The following POLE variants were observed in gnomAD, a reference collection of about 807,000 sequenced individuals.
POLE encodes DNA polymerase epsilon, catalytic subunit, also known as DNA polymerase epsilon catalytic subunit A.
Under a neutral mutation model 279.2 loss-of-function variants are expected in POLE, and 188 were observed. The ratio of observed to expected loss-of-function variants is 0.67; its 90% CI spans 0.60 to 0.76. The LOEUF is 0.76. Ranked by LOEUF, POLE falls within the 30% of genes least tolerant of loss-of-function variation. The pLI, the probability that POLE is intolerant of heterozygous loss-of-function variation, is 0.00. For synonymous variants in POLE, 1,214 were observed against 1,172.5 expected, an observed-to-expected ratio of 1.04 and a Z score of -0.72; for missense variants, 2,703 against 3,016.7, an observed-to-expected ratio of 0.90 and a Z score of 2.44.
rs151273553 is a variant in POLE, at chr12:132,673,597, C to T, written c.1337G>A (p.Arg446Gln). The T allele has an allele frequency of 3.8e-4, 621 of 1,613,180 alleles. No homozygotes were observed. Among genetic ancestry groups the T allele is most frequent in the Non-Finnish European group, 4.9e-4 (581 of 1,179,986 alleles). Residue 446 changes from arginine (R) to glutamine (Q), a missense_variant, in exon 13 of 49, where the codon CGG becomes CAG. Physicochemically the swap from Arg to Gln is conservative, Grantham distance 43. This residue lies in a region of POLE where 1,011 missense variants were observed against 1,111.7 expected (regional missense o/e 0.91). Coordinates refer to ENST00000320574, the MANE Select transcript of POLE (RefSeq NM_006231.4). ...TGCCTGGGGCTGCTCCGTGGCCATC[C>T]GGCACATGTCCTCCGGGTCTAGCTC... ...PVELDPEDMCRMATEQPQTLA... is the reference protein window; with the variant it reads ...PVELDPEDMCQMATEQPQTLA...
chr12:132,669,952 G>A (rs1354201461), intron 16 of POLE, among the ~76,000 whole-genome samples: 1 of 152,138 alleles, frequency 6.6e-6, no homozygotes, highest in Admixed American at 6.6e-5. Flanking sequence ...ACTCACCAGG[G>A]AGCCTGGCGT....
Position 132,642,202 on chromosome 12 carries a change from G to T in POLE, c.5148C>A (p.Ile1716=). The stretch of plus-strand genomic sequence containing the variant: ...CTGTGGAGTAACAGCCTGAACTGTT[G>T]ATCTCAACAGTGGCTTGGTCATCGA... ...MEFDDQATVE[I]NSSGCYSTVC... Residue 1716 remains isoleucine, a synonymous_variant, in exon 38 of 49, where the codon ATC becomes ATA. Transcript: ENST00000320574. 6.3e-7 allele frequency: 1 copy of T among 1,595,320 alleles called. No individual in the cohort carries two copies. Among genetic ancestry groups the T allele is most frequent in the South Asian group, 1.1e-5 (1 of 87,816 alleles).
In POLE at chr12:132,664,461, C is replaced by T. The variant is rs1420142854; in HGVS notation, c.2470G>A (p.Ala824Thr). ...GCCATCTCCATGGAGTACCAGCGAG[C>T]CCTGAGAGGACACCACAAACTGGTG... ...SFYGYVMRKG[A>T]RWYSMEMAGI... is the part of the protein sequence containing the mutation. Residue 824 changes from alanine (A) to threonine (T), a missense_variant and splice_region_variant, in exon 22 of 49, where the codon GCT (alanine) becomes ACT (threonine). Coordinates refer to ENST00000320574, the MANE Select transcript of POLE (RefSeq NM_006231.4). This position sits in a 1 kb window ranked among gnomAD's most constrained non-coding sequence, Gnocchi z 5.3. 1 of 1,613,564 alleles carries T rather than the reference C, an allele frequency of 6.2e-7. No homozygotes were observed. Among genetic ancestry groups the T allele is most frequent in the South Asian group, 1.1e-5 (1 of 91,088 alleles).
intron 15 of POLE, 35 bp downstream of exon 15, chr12:132,672,592 G>A: frequency 6.3e-7 from 1 of 1,597,612 alleles, no homozygotes; most frequent in Non-Finnish European, 8.6e-7. Context: ...CAGCACAAGA[G>A]TGGGAAGAAT....
chr12:132,624,216 T>C lies in POLE; in HGVS notation c.*481A>G. ...TGAGGCTGTGGGGCCAGCCCATTTC[T>C]CCATGCAAACAGGTGAGACTCCAGC... is the stretch of plus-strand genomic sequence containing the variant. On this transcript the variant is annotated 3_prime_UTR_variant, in exon 49 of 49. Transcript: ENST00000320574. 1 of 232,370 alleles carries C rather than the reference T, an allele frequency of 4.3e-6. No homozygotes were observed. The highest frequency in any genetic ancestry group is 8.5e-6 in the Non-Finnish European group (1 of 117,112). 14.4% of individuals were successfully genotyped at this position (232,370 alleles called of 1,614,324 possible).
In POLE at chr12:132,642,159, G is replaced by A. The variant is rs201587262; in HGVS notation, c.5173+18C>T. On this transcript the variant is annotated intron_variant, in intron 38 of 48. Coordinates refer to ENST00000320574, the MANE Select transcript of POLE (RefSeq NM_006231.4). The stretch of plus-strand genomic sequence containing the variant: ...ACACCAGCCAGGTCTCATGGGCCTC[G>A]TCCTCCCGCCCACTTACCTGTGGAG... 2.8e-4 allele frequency: 422 copies of A among 1,521,366 alleles called. 2 individuals are homozygous for A. Among genetic ancestry groups the A allele is most frequent in the Non-Finnish European group, 3.6e-4 (407 of 1,129,024 alleles). 94.2% of individuals were successfully genotyped at this position (1,521,366 alleles called of 1,614,324 possible).
chr12:132,643,032 G>C (rs149861626), intron 35 of POLE, 36 bp from the exon 36 acceptor site: 1 of 1,555,944 alleles, frequency 6.4e-7, no homozygotes, highest in African/African-American at 1.4e-5. Flanking sequence ...CTCCCCCTGC[G>C]CAGGAGGAAG....
At chr12:132,672,916 G>A (rs986808300) in intron 14 of POLE, 77 bp from the exon 15 acceptor site, 17 of 1,316,686 alleles carry the variant, frequency 1.3e-5, no homozygotes, top group Admixed American at 2.0e-5. Context: ...AGGAACCTAA[G>A]CTGAACTTCA....
At chr12:132,652,244 G>C (rs2042437985) in intron 29 of POLE, among the ~76,000 whole-genome samples, 1 of 149,556 alleles carries the variant, frequency 6.7e-6, no homozygotes, top group Non-Finnish European at 1.5e-5. Flanking sequence ...TTTTTCACAT[G>C]TGCCTTAAAA....
At chr12:132,665,506 A>C in intron 20 of POLE, 56 bp from the exon 21 acceptor site, 1 of 1,557,002 alleles carries the variant, frequency 6.4e-7, no homozygotes, top group Non-Finnish European at 8.7e-7. Context: ...CACATTCTAC[A>C]AAGTCAATAG....
chr12:132,654,665 G>A (rs919220071), intron 29 of POLE, among the ~76,000 whole-genome samples: 3 of 152,126 alleles, frequency 2.0e-5, no homozygotes, highest in Admixed American at 6.6e-5. Flanking sequence ...GGTGGTGTGC[G>A]CCTATAGTCC....
chr12:132,633,828 G>A, intron 43 of POLE: 1 of 190,654 alleles, frequency 5.2e-6, no homozygotes. Flanking sequence ...TTCAGCTACT[G>A]AACGTGCACA....
rs1199700434 is a variant in POLE, at chr12:132,639,235, T to C, written c.5442A>G (p.Ala1814=). 3 of 1,614,162 alleles carry C rather than the reference T, an allele frequency of 1.9e-6. No homozygotes were observed. The change falls in exon 40 of 49, where the codon GCA becomes GCG. Residue 1814 remains alanine (A), a synonymous_variant. Coordinates refer to ENST00000320574, the MANE Select transcript of POLE (RefSeq NM_006231.4). This position sits in a 1 kb window ranked among gnomAD's most constrained non-coding sequence, Gnocchi z 4.7. ...GGTAGAAGTGCATCACCTGGTTGTC[T>C]GCATAGATGTTGTGGTACTGGGTGA... ...KEITQYHNIY[A]DNQVMHFYRW...
At chr12:132,632,087 C>A (rs775834628) in intron 45 of POLE, among the ~76,000 whole-genome samples, 1 of 151,988 alleles carries the variant, frequency 6.6e-6, no homozygotes, top group Non-Finnish European at 1.5e-5. Flanking sequence ...CACACGCTGG[C>A]ACCCTGACCC....
Position 132,679,534 on chromosome 12 carries a change from C to T in POLE, c.541G>A (p.Asp181Asn), listed in dbSNP as rs1356223099. The T allele has an allele frequency of 6.2e-7, 1 of 1,614,042 alleles. No individual in the cohort carries two copies. Among genetic ancestry groups the T allele is most frequent in the Non-Finnish European group, 8.5e-7 (1 of 1,179,902 alleles). Reference sequence around the variant, plus strand: ...GCTGTGTACGCGTCGCTGGCGTGATCCTGCTCCCTGTTCTTCTTCACGGCA... The same window carrying T: ...GCTGTGTACGCGTCGCTGGCGTGATTCTGCTCCCTGTTCTTCTTCACGGCA... ...SPAVKKNREQ[D>N]HASDAYTALL... The change falls in exon 6 of 49, where the codon GAT (aspartate) becomes AAT (asparagine). Residue 181 changes from aspartate to asparagine, a missense_variant. This residue lies in a region of POLE where 1,011 missense variants were observed against 1,111.7 expected (regional missense o/e 0.91). Transcript: ENST00000320574.
chr12:132,626,391 C>T (rs2041840844), intron 45 of POLE, 74 bp from the exon 46 acceptor site: 1 of 1,439,704 alleles, frequency 6.9e-7, no homozygotes, highest in Admixed American at 1.7e-5. Flanking sequence ...CCAGAACCCT[C>T]TGGACCTTAG....
At chr12:132,630,223 T>C (rs745414899) in intron 45 of POLE, among the ~76,000 whole-genome samples, 10 of 152,180 alleles carry the variant, frequency 6.6e-5, no homozygotes, top group Non-Finnish European at 1.5e-4. Flanking sequence ...GCACATGCTG[T>C]TGGAAAGATG....
chr12:132,646,624 G>A (rs1333279508), intron 32 of POLE, among the ~76,000 whole-genome samples: 1 of 151,710 alleles, frequency 6.6e-6, no homozygotes, highest in Non-Finnish European at 1.5e-5. Context: ...CTGAGGTCAG[G>A]AGTTCGAGAC....
At position 132,663,254 on chromosome 12, in the gene POLE, G is replaced by A. The variant is rs527304594; in HGVS notation, c.2706+750C>T. On this transcript the variant is annotated intron_variant, in intron 23 of 48. Coordinates refer to ENST00000320574, the MANE Select transcript of POLE (RefSeq NM_006231.4). ...GGTGTGTATTTACGACTGAAGAGCCGTATGGGAGGGGGCACAGGAGCGCCA... is the reference window on the plus strand; with the variant it reads ...GGTGTGTATTTACGACTGAAGAGCCATATGGGAGGGGGCACAGGAGCGCCA... 3.0e-4 allele frequency among the ~76,000 whole-genome samples: 46 copies of A among 152,314 alleles called. 1 individual carries two copies. The highest frequency in any genetic ancestry group is 2.2e-3 in the Admixed American group (33 of 15,312).
Sources: allele counts gnomAD v4.1 joint callset (sites outside exome capture counted in the v4.1 genomes callset), GRCh38; gene constraint gnomAD v4.1.1; regional missense constraint gnomAD v4.1.1; non-coding constraint Gnocchi (gnomAD v3.1); transcripts MANE v1.5; gene names NCBI Gene and HGNC (gene_info 2026-07-23, HGNC 2026-07-21).